Variants in TUSC3 observed in about 807,000 individuals in gnomAD.
The protein encoded by TUSC3 is tumor suppressor candidate 3.
TUSC3 carries 45 observed loss-of-function variants against 44.8 expected under a neutral mutation model. The ratio of observed to expected loss-of-function variants is 1.00; its 90% CI spans 0.79 to 1.29. The LOEUF (loss-of-function observed/expected upper bound fraction) is 1.29, where lower values mean the gene tolerates loss of function less well. Ranked by LOEUF, TUSC3 falls within the 50% of genes most tolerant of loss-of-function variation. The probability of loss-of-function intolerance (pLI) is 0.00; values close to 1 mark genes in which losing one functional copy is unlikely to be tolerated. For missense variants in TUSC3, 519 were observed against 437.9 expected (o/e 1.19, Z -1.65); for synonymous variants, 212 against 152.9 (o/e 1.39, Z -2.85).
intron 1 of TUSC3, among the ~76,000 whole-genome samples, chr8:15,589,405 A>C (rs1803730059): frequency 6.8e-6 from 1 of 146,976 alleles, no homozygotes; most frequent in Admixed American, 6.6e-5. Context: ...GCATAGGTTA[A>C]GATTAGCATG....
At chr8:15,423,987 T>G (rs1417556520) in intron 1 of TUSC3, among the ~76,000 whole-genome samples, 3,029 of 124,776 alleles carry the variant, frequency 0.024, 355 homozygotes, top group African/African-American at 0.075. Context: ...TTTTTTTTTT[T>G]TTTTTTTTTT....
At chr8:15,417,583 AT>A (rs1799675005) in intron 1 of TUSC3, among the ~76,000 whole-genome samples, 1 of 152,172 alleles carries the variant, frequency 6.6e-6, no homozygotes, top group African/African-American at 2.4e-5. Flanking sequence ...TTCATTTGCA[AT>A]TTAAACGCTT....
At chr8:15,669,734 A>C (rs1807856768) in intron 5 of TUSC3, among the ~76,000 whole-genome samples, 1 of 151,768 alleles carries the variant, frequency 6.6e-6, no homozygotes, top group Admixed American at 6.6e-5. Flanking sequence ...ACATACAGTA[A>C]ACATCATATT....
chr8:15,843,114 T>C, the TUSC3 span, among the ~76,000 whole-genome samples: 1 of 152,170 alleles, frequency 6.6e-6, no homozygotes, highest in Admixed American at 6.6e-5. Flanking sequence ...CAGAATTTAC[T>C]CTTATGATCT....
At chr8:15,498,343 A>T (rs1800911361) in intron 2 of TUSC3, among the ~76,000 whole-genome samples, 1 of 152,216 alleles carries the variant, frequency 6.6e-6, no homozygotes, top group Non-Finnish European at 1.5e-5. Flanking sequence ...GTAGGAAGCA[A>T]GTGCAAAAGC....
the TUSC3 span, among the ~76,000 whole-genome samples, chr8:15,811,870 C>T: frequency 6.6e-6 from 1 of 151,758 alleles, no homozygotes; most frequent in African/African-American, 2.4e-5. Flanking sequence ...ATAGCCGAGC[C>T]AGTTCTCCAG....
the TUSC3 span, among the ~76,000 whole-genome samples, chr8:15,850,815 A>G: frequency 3.3e-4 from 51 of 152,324 alleles, no homozygotes; most frequent in Middle Eastern, 0.01. Context: ...TGAACAACAT[A>G]AAAGGCCACA....
At chr8:15,730,278 G>A (rs1341583329) in intron 6 of TUSC3, among the ~76,000 whole-genome samples, 1 of 152,104 alleles carries the variant, frequency 6.6e-6, no homozygotes, top group Non-Finnish European at 1.5e-5. Context: ...AATGTGGAAA[G>A]GAGTGATTAG....
At chr8:15,666,268 G>C (rs887272259) in intron 5 of TUSC3, among the ~76,000 whole-genome samples, 1 of 151,356 alleles carries the variant, frequency 6.6e-6, no homozygotes, top group African/African-American at 2.4e-5. Flanking sequence ...AATATCCTAA[G>C]GATATGCACT....
chr8:15,673,701 G>T lies in TUSC3; in HGVS notation c.709-46G>T, dbSNP rs1247565681. The T allele has an allele frequency of 7.2e-6, 10 of 1,384,014 alleles. No homozygotes were observed. In the Admixed American group the frequency reaches 1.5e-4, roughly 21 times the overall value. 85.7% of individuals were successfully genotyped at this position (1,384,014 alleles called of 1,614,324 possible). A position where few individuals can be genotyped will look rare whatever the true frequency, so the allele number is the denominator to read the frequency against. Reference sequence around the variant, plus strand: ...TTGTCTTTTAGAAATGCATTATTCTGGTATTCTCTGGTTTACATATTGAAA... The same window carrying T: ...TTGTCTTTTAGAAATGCATTATTCTTGTATTCTCTGGTTTACATATTGAAA... On this transcript the variant is annotated intron_variant, in intron 5 of 10. Coordinates refer to ENST00000503731, the MANE Select transcript of TUSC3 (RefSeq NM_006765.4).
intron 10 of TUSC3, among the ~76,000 whole-genome samples, chr8:15,758,832 C>A (rs2129223572): frequency 6.6e-6 from 1 of 152,260 alleles, no homozygotes; most frequent in Non-Finnish European, 1.5e-5. Flanking sequence ...CACTAGGAGA[C>A]TGGACTGCTG....
chr8:15,424,543 C>G (rs956390023), intron 1 of TUSC3, among the ~76,000 whole-genome samples: 1 of 152,100 alleles, frequency 6.6e-6, no homozygotes, highest in Non-Finnish European at 1.5e-5. Context: ...CGCAGCAGAC[C>G]CAGAACTACC....
At position 15,657,651 on chromosome 8, in the gene TUSC3, G is replaced by A. The variant is rs1235698759; in HGVS notation, c.427-1856G>A. On this transcript the variant is annotated intron_variant, in intron 3 of 10. Transcript: ENST00000503731. Reference sequence around the variant, plus strand: ...TCTCTAGAATCACCCTCAGTGCTCCGTTTATGGCAATCTAGGCTTTTTCTA... The same window carrying A: ...TCTCTAGAATCACCCTCAGTGCTCCATTTATGGCAATCTAGGCTTTTTCTA... 4.6e-5 allele frequency among the ~76,000 whole-genome samples: 7 copies of A among 152,072 alleles called. No individual in the cohort carries two copies. The East Asian group carries it at 1.2e-3, about 25-fold the overall frequency.
rs74876244 is a variant in TUSC3, at chr8:15,756,277, C to A, written c.1029-1514C>A. On this transcript the variant is annotated intron_variant, in intron 9 of 10. Transcript: ENST00000503731. ...TCTGCAGCTCTAGTTACCTCTCTCT[C>A]TATATTTAACTTGGTTAAGCCTGTT... Among the ~76,000 whole-genome samples, 668 of 152,200 alleles carry A rather than the reference C, an allele frequency of 4.4e-3. 7 individuals carry two copies. The highest frequency in any genetic ancestry group is 0.015 in the African/African-American group (642 of 41,544).
At chr8:15,687,396 T>A (rs1412782096) in intron 6 of TUSC3, among the ~76,000 whole-genome samples, 1 of 152,200 alleles carries the variant, frequency 6.6e-6, no homozygotes. Flanking sequence ...AGCACCATGG[T>A]CATTTTATGG....
At chr8:15,814,727 C>A in the TUSC3 span, among the ~76,000 whole-genome samples, 1 of 152,118 alleles carries the variant, frequency 6.6e-6, no homozygotes, top group Non-Finnish European at 1.5e-5. Context: ...TTCAGCTGAC[C>A]TGTGGACTTA....
chr8:15,791,285 G>A, the TUSC3 span, among the ~76,000 whole-genome samples: 6 of 107,662 alleles, frequency 5.6e-5, no homozygotes, highest in East Asian at 2.6e-4. Context: ...CCCAACCCAC[G>A]CACAAACACA....
chr8:15,835,913 A>G, the TUSC3 span, among the ~76,000 whole-genome samples: 1 of 152,086 alleles, frequency 6.6e-6, no homozygotes, highest in Non-Finnish European at 1.5e-5. Context: ...CTTACATTCA[A>G]AGATTTTGCT....
chr8:15,424,987 G>A (rs1224471609), intron 1 of TUSC3, among the ~76,000 whole-genome samples: 1 of 152,072 alleles, frequency 6.6e-6, no homozygotes, highest in Non-Finnish European at 1.5e-5. Flanking sequence ...ATATTACAAA[G>A]GTCTTTAAAA....
Sources: gnomAD v4.1 joint callset for allele counts (sites outside exome capture counted in the v4.1 genomes callset) on GRCh38, gnomAD v4.1.1 for gene constraint, MANE v1.5 for transcripts, NCBI Gene and HGNC (gene_info 2026-07-23, HGNC 2026-07-21) for gene names.